Variants in UNC119 observed in about 807,000 individuals in gnomAD.
UNC119 encodes the protein unc-119 lipid binding chaperone, also known as protein unc-119 homolog A.
A neutral mutation model predicts 22.6 loss-of-function variants in UNC119; 15 were observed. The observed-to-expected ratio is 0.66, with a 90% CI of 0.44 to 1.02. The LOEUF (loss-of-function observed/expected upper bound fraction) is 1.02, where lower values mean the gene tolerates loss of function less well. Among genes scored for constraint, UNC119 ranks in the 50% least tolerant of loss-of-function variants. The probability of loss-of-function intolerance (pLI) is 0.00; values close to 1 mark genes in which losing one functional copy is unlikely to be tolerated. For missense variants in UNC119, 322 were observed against 336.0 expected (o/e 0.96, Z 0.33); for synonymous variants, 138 against 139.4 (o/e 0.99, Z 0.07).
At chr17:28,550,108 G>C (rs1271992568) in intron 1 of UNC119, 4 of 152,250 alleles carry the variant, frequency 2.6e-5, no homozygotes, top group African/African-American at 7.2e-5. Context: ...ATACAGCTTG[G>C]GGAAGAGGCA....
rs1362867810 is a variant in UNC119 at position 28,547,668 on chromosome 17, C to G, written c.610+9G>C. 2 of 1,614,166 alleles carry G rather than the reference C, an allele frequency of 1.2e-6. No individual in the cohort carries two copies. Among genetic ancestry groups the G allele is most frequent in the South Asian group, 1.1e-5 (1 of 91,088 alleles). On this transcript the variant is annotated intron_variant, in intron 4 of 4. Transcript: ENST00000335765. ...ACTTCCCCACTCCCAGAAGACCCTG[C>G]CCGCGCACTCAGCTCCTCGGAGAGA...
chr17:28,548,863 A>G, intron 1 of UNC119, 158 bp from the exon 2 acceptor site: 1 of 608,208 alleles, frequency 1.6e-6, no homozygotes, highest in East Asian at 2.8e-5. Context: ...GTACACCCCC[A>G]GTGTGGAAGA....
At position 28,547,269 on chromosome 17, in the gene UNC119, G is replaced by A. The variant is rs750961206; in HGVS notation, c.*28C>T. 12 of 1,613,162 alleles carry A rather than the reference G, an allele frequency of 7.4e-6. No homozygotes were observed. Among genetic ancestry groups the A allele is most frequent in the Non-Finnish European group, 1.0e-5 (12 of 1,179,514 alleles). ...TCACAGCTCCCAGCCCAGAACTGGA[G>A]CCTCCTGGGGTCAGGGCAGCCGTGG... On this transcript the variant is annotated 3_prime_UTR_variant, in exon 5 of 5. Transcript: ENST00000335765.
In UNC119 at chr17:28,552,601, T is replaced by G. The variant is rs886052767; in HGVS notation, c.-44A>C. The G allele has an allele frequency of 3.4e-6, 5 of 1,461,164 alleles. No homozygotes were observed. Among genetic ancestry groups the G allele is most frequent in the Non-Finnish European group, 4.5e-6 (5 of 1,107,952 alleles). The allele number at this position is 1,461,164 out of a possible 1,614,324, so 90.5% of individuals were successfully genotyped here. ...CTCGCCTGCTGCTGCCGCCGCTGCC[T>G]GCGCCGGCTGGAGCCGGGGGAAGTG... On this transcript the variant is annotated 5_prime_UTR_variant, in exon 1 of 5. Transcript: ENST00000335765.
rs767590360 is a variant in UNC119, at chr17:28,547,999, G to A, written c.437C>T (p.Thr146Met). The A allele has an allele frequency of 3.1e-6, 5 of 1,613,722 alleles. No homozygotes were observed. Among genetic ancestry groups the A allele is most frequent in the South Asian group, 1.1e-5 (1 of 91,076 alleles). Residue 146 changes from threonine (T) to methionine (M), a missense_variant and splice_region_variant, in exon 3 of 5, where the codon ACG becomes ATG. By Grantham distance (81) the Thr-to-Met change is moderately conservative. Coordinates refer to ENST00000335765, the MANE Select transcript of UNC119 (RefSeq NM_005148.4). ...AFLRLRQVGA[T>M]VEFTVGDKPV... ...CACCACCCATAGCCCAGCGACTCAC[G>A]TGGCTCCCACCTGCCTCAGGCGGAG...
chr17:28,548,311 A>G (rs2070234170), intron 2 of UNC119: 1 of 627,438 alleles, frequency 1.6e-6, no homozygotes, highest in Admixed American at 2.9e-5. Context: ...TCCCCGGGCC[A>G]CAGGATGCTG....
At chr17:28,548,856 C>G in intron 1 of UNC119, 151 bp from the exon 2 acceptor site, 1 of 630,262 alleles carries the variant, frequency 1.6e-6, no homozygotes, top group East Asian at 2.7e-5. Context: ...CCTTGGGGTA[C>G]ACCCCCAGTG....
In UNC119 at chr17:28,547,355, A is replaced by G. The variant is rs1352196859; in HGVS notation, c.665T>C (p.Val222Ala). ...ATTGTGCATCACCAGCCGGTCATCC[A>G]CGAAGTAGAAGCTGTCAGACTGGGT... ...YETQSDSFYF[V>A]DDRLVMHNKA... Residue 222 changes from valine to alanine, a missense_variant, in exon 5 of 5, where the codon GTG (valine) becomes GCG (alanine). Transcript: ENST00000335765. The G allele has an allele frequency of 6.2e-7, 1 of 1,614,070 alleles. No individual in the cohort carries two copies. Among genetic ancestry groups the G allele is most frequent in the Non-Finnish European group, 8.5e-7 (1 of 1,180,028 alleles).
intron 1 of UNC119, 128 bp from the exon 2 acceptor site, chr17:28,548,833 C>A: frequency 4.3e-6 from 3 of 703,920 alleles, no homozygotes; most frequent in Non-Finnish European, 7.3e-6. Context: ...GAAAGAGGGA[C>A]CTCAGTCCCT....
At chr17:28,548,726 A>G in intron 1 of UNC119, 21 bp from the exon 2 acceptor site, 4 of 1,604,392 alleles carry the variant, frequency 2.5e-6, no homozygotes, top group Non-Finnish European at 3.4e-6. Flanking sequence ...CAGGCAGCTG[A>G]GCAAGGAAGG....
chr17:28,550,433 TAGA>T (rs1336463697), intron 1 of UNC119: 1 of 152,160 alleles, frequency 6.6e-6, no homozygotes, highest in African/African-American at 2.4e-5. Flanking sequence ...TCTCTGTCCT[TAGA>T]AGAAGTGAGG....
chr17:28,547,962 C>T (rs1567610667), intron 3 of UNC119, 37 bp downstream of exon 3: 2 of 1,613,486 alleles, frequency 1.2e-6, no homozygotes, highest in Middle Eastern at 1.7e-4. Context: ...ACACCCTCTC[C>T]CTCACCCCCA....
Position 28,548,687 on chromosome 17 carries a change from T to G in UNC119, c.239A>C (p.Glu80Ala), listed in dbSNP as rs1443692837. 17 of 1,613,968 alleles carry G rather than the reference T, an allele frequency of 1.1e-5. No individual in the cohort carries two copies. The highest frequency in any genetic ancestry group is 2.2e-5 in the East Asian group (1 of 44,888). The part of the protein sequence containing the change: ...RITGDYLCSP[E>A]ENIYKIDFVR... ...AAAGTCGATCTTGTAGATATTCTCC[T>G]CAGGGGAGCAGAGGTAGTCTAGGGG... The change falls in exon 2 of 5, where the codon GAG becomes GCG. Residue 80 changes from glutamate to alanine, a missense_variant. Physicochemically the swap from Glu to Ala is moderately radical, Grantham distance 107. Transcript: ENST00000335765.
rs1802094 is a variant in UNC119 at position 28,547,225 on chromosome 17, G to A, written c.*72C>T. On this transcript the variant is annotated 3_prime_UTR_variant, in exon 5 of 5. Coordinates refer to ENST00000335765, the MANE Select transcript of UNC119 (RefSeq NM_005148.4). ...CCCCAAGCAGAGGACTTGGGGTTGAGGGGTGAGCGTTGGGGAGGTCACAGC... is the reference window on the plus strand; with the variant it reads ...CCCCAAGCAGAGGACTTGGGGTTGAAGGGTGAGCGTTGGGGAGGTCACAGC... 4.9e-3 allele frequency: 7,736 copies of A among 1,575,112 alleles called. 331 individuals are homozygous for A. The African/African-American group carries it at 0.093, about 19-fold the overall frequency.
chr17:28,547,533 A>G, intron 4 of UNC119, 124 bp from the exon 5 acceptor site: 1 of 1,586,816 alleles, frequency 6.3e-7, no homozygotes, highest in Non-Finnish European at 8.6e-7. Flanking sequence ...CTCTTTCTCT[A>G]CGGATGATAT....
At position 28,552,406 on chromosome 17, in the gene UNC119, G is replaced by T. The variant is rs1368824406; in HGVS notation, c.152C>A (p.Pro51Gln). Residue 51 changes from proline (P) to glutamine (Q), a missense_variant, in exon 1 of 5, where the codon CCG becomes CAG. Pro to Gln is a moderately conservative substitution (Grantham distance 76). Transcript: ENST00000335765. ...CGGCTGCTTCCTCTGCAGCGGCCCC[G>T]GCCTGGGCCCTGGGCCTGCGTCCGG... is the stretch of plus-strand genomic sequence containing the variant. ...SEPDAGPGPR[P>Q]GPLQRKQPIG... 6.4e-7 allele frequency: 1 copy of T among 1,554,324 alleles called. No individual in the cohort carries two copies. The highest frequency in any genetic ancestry group is 8.6e-7 in the Non-Finnish European group (1 of 1,157,926).
rs1308565705 is a variant in UNC119 at position 28,547,128 on chromosome 17, A to C, written c.*169T>G. Reference sequence around the variant, plus strand: ...CCATGTAGCAGGCCGCATGGGCTTCATGGGCTTGACTGGGGACACCAGGTA... The same window carrying C: ...CCATGTAGCAGGCCGCATGGGCTTCCTGGGCTTGACTGGGGACACCAGGTA... On this transcript the variant is annotated 3_prime_UTR_variant, in exon 5 of 5. Coordinates refer to ENST00000335765, the MANE Select transcript of UNC119 (RefSeq NM_005148.4). 1 of 814,910 alleles carries C rather than the reference A, an allele frequency of 1.2e-6. No homozygotes were observed. The allele number at this position is 814,910 out of a possible 1,614,324, so 50.5% of individuals were successfully genotyped here.
intron 1 of UNC119, 128 bp downstream of exon 1, chr17:28,552,210 G>T: frequency 2.3e-6 from 2 of 873,594 alleles, no homozygotes; most frequent in South Asian, 1.7e-5. Flanking sequence ...AGGGGACACA[G>T]GAGAGGGGAC....
At position 28,552,519 on chromosome 17, in the gene UNC119, C is replaced by T. The variant is rs749427491; in HGVS notation, c.39G>A (p.Ala13=). The T allele has an allele frequency of 6.6e-5, 102 of 1,553,838 alleles. No individual in the cohort carries two copies. Among genetic ancestry groups the T allele is most frequent in the Non-Finnish European group, 8.4e-5 (98 of 1,160,462 alleles). The change falls in exon 1 of 5, where the codon GCG becomes GCA. Residue 13 remains alanine, a synonymous_variant. Transcript: ENST00000335765. The part of the protein sequence containing the change: ...VKKGGGGAGT[A]TESAPGPSGQ... ...CCGAGGGCCCCGGAGCGGACTCCGTCGCCGTCCCGGCCCCACCGCCGCCCT... is the reference window on the plus strand; with the variant it reads ...CCGAGGGCCCCGGAGCGGACTCCGTTGCCGTCCCGGCCCCACCGCCGCCCT...
Sources: gnomAD v4.1 joint callset for allele counts on GRCh38, gnomAD v4.1.1 for gene constraint, MANE v1.5 for transcripts, NCBI Gene and HGNC (gene_info 2026-07-23, HGNC 2026-07-21) for gene names.